COL6A1: variants seen among roughly 807,000 people sequenced by gnomAD.
COL6A1 encodes the protein collagen alpha-1(VI) chain.
A neutral mutation model predicts 145.6 loss-of-function variants in COL6A1; 80 were observed. The ratio of observed to expected loss-of-function variants is 0.55; its 90% CI spans 0.46 to 0.66. The LOEUF is 0.66. COL6A1 is among the 30% of genes least tolerant of loss of function. The pLI, the probability that COL6A1 is intolerant of heterozygous loss-of-function variation, is 0.00. For missense variants in COL6A1, 1,364 were observed against 1,473.8 expected (o/e 0.93, Z 1.22); for synonymous variants, 638 against 622.8 (o/e 1.02, Z -0.36).
chr21:45,988,582 A>C (rs1208499764), intron 8 of COL6A1, among the ~76,000 whole-genome samples: 1 of 152,138 alleles, frequency 6.6e-6, no homozygotes, highest in Non-Finnish European at 1.5e-5. Context: ...CCCTGCCCTC[A>C]GCCGCACTCT....
chr21:45,991,681 A>G (rs532239390), intron 15 of COL6A1, among the ~76,000 whole-genome samples: 93 of 152,132 alleles, frequency 6.1e-4, no homozygotes, highest in Non-Finnish European at 1.1e-3. Context: ...TCTCATCTTC[A>G]AGTTCCCAGA....
chr21:45,997,319 G>A, intron 20 of COL6A1, 102 bp from the exon 21 acceptor site: 1 of 1,079,900 alleles, frequency 9.3e-7, no homozygotes, highest in African/African-American at 1.5e-5. Flanking sequence ...CAGAGCCTGG[G>A]GGCCCTGATG....
rs1285017882 is a variant in COL6A1 at position 45,990,935 on chromosome 21, C to T, written c.1057-44C>T. 1.7e-5 allele frequency: 27 copies of T among 1,611,992 alleles called. No homozygotes were observed. In the East Asian group the frequency reaches 2.0e-4, roughly 12 times the overall value. On this transcript the variant is annotated intron_variant, in intron 14 of 34. Transcript: ENST00000361866. ...GGTCTGGGGCTGCTGCCAGAGGCCG[C>T]GGTGGCCTCTGCCGGTGGTGTCATG...
chr21:45,993,730 G>A (rs576342215), intron 19 of COL6A1, among the ~76,000 whole-genome samples: 49 of 152,286 alleles, frequency 3.2e-4, no homozygotes, highest in South Asian at 1.2e-3. Flanking sequence ...AGCAGGGATC[G>A]TGTGACTTAG....
At position 45,997,723 on chromosome 21, in the gene COL6A1, T is replaced by C. The variant is rs553663114; in HGVS notation, c.1485T>C (p.Pro495=). ...GSEGARGAPG[P]AGPPGDPGLM... is the part of the protein sequence containing the mutation. The stretch of plus-strand genomic sequence containing the variant: ...AGGGTGCCAGAGGAGCCCCAGGACC[T>C]GCCGGACCCCCTGGAGACCCGGGGC... The change falls in exon 22 of 35, where the codon CCT becomes CCC. Residue 495 remains proline (P), a synonymous_variant. Coordinates refer to ENST00000361866, the MANE Select transcript of COL6A1 (RefSeq NM_001848.3). 1.3e-6 allele frequency: 2 copies of C among 1,595,632 alleles called. No homozygotes were observed. Among genetic ancestry groups the C allele is most frequent in the East Asian group, 2.3e-5 (1 of 44,064 alleles).
chr21:45,999,335 G>A, intron 26 of COL6A1, 117 bp downstream of exon 26: 1 of 1,075,618 alleles, frequency 9.3e-7, no homozygotes. Context: ...GGAATTTTGG[G>A]GAGCACGTCA....
At chr21:45,990,140 T>C in intron 11 of COL6A1, 118 bp from the exon 12 acceptor site, 1 of 1,246,230 alleles carries the variant, frequency 8.0e-7, no homozygotes, top group Non-Finnish European at 1.2e-6. Flanking sequence ...TTCTCAGCAG[T>C]GATGTTGTCC....
At chr21:45,997,513 C>T (rs2077812277) in intron 21 of COL6A1, 30 bp downstream of exon 21, 1 of 1,526,036 alleles carries the variant, frequency 6.6e-7, no homozygotes, top group Non-Finnish European at 8.8e-7. Flanking sequence ...CACACCCGCC[C>T]ACCCAGGGGG....
Position 45,986,566 on chromosome 21 carries a change from A to T in COL6A1, c.469A>T (p.Thr157Ser), listed in dbSNP as rs748270048. The T allele has an allele frequency of 1.3e-6, 2 of 1,565,138 alleles. No homozygotes were observed. The highest frequency in any genetic ancestry group is 1.7e-6 in the Non-Finnish European group (2 of 1,155,044). The change falls in exon 4 of 35, where the codon ACC becomes TCC. Residue 157 changes from threonine (T) to serine (S), a missense_variant. Physicochemically the swap from Thr to Ser is moderately conservative, Grantham distance 58. Transcript: ENST00000361866. ...GGAGAATAAGTACCTGATTGTGGTG[A>T]CCGACGGGCACCCCCTGGAGGGCTA... Reference protein sequence around the residue: ...LKENKYLIVVTDGHPLEGYKE... With the variant: ...LKENKYLIVVSDGHPLEGYKE...
rs147683603 is a variant in COL6A1 at position 45,998,047 on chromosome 21, C to A, written c.1525-74C>A. On this transcript the variant is annotated intron_variant, in intron 22 of 34. Transcript: ENST00000361866. ...GGAGGGGCCCTGCGGGTGAGGTGCT[C>A]CCGGGCCTGTGCCAGCCAGTGGGTA... 1,077 of 1,565,924 alleles carry A rather than the reference C, an allele frequency of 6.9e-4. 6 individuals carry two copies. In the African/African-American group the frequency reaches 0.012, roughly 18 times the overall value.
chr21:45,988,231 C>T (rs559045258), intron 8 of COL6A1, among the ~76,000 whole-genome samples: 6 of 22,934 alleles, frequency 2.6e-4, no homozygotes, highest in African/African-American at 7.2e-4. Context: ...ATGGAGGGGA[C>T]GGCGGGGTCC....
intron 29 of COL6A1, 66 bp from the exon 30 acceptor site, chr21:46,001,187 T>C: frequency 6.4e-7 from 1 of 1,573,608 alleles, no homozygotes; most frequent in Non-Finnish European, 8.6e-7. Context: ...GCCAGGGCGG[T>C]GGAGGGGAGG....
intron 11 of COL6A1, 104 bp downstream of exon 11, chr21:45,989,882 C>A: frequency 6.9e-7 from 1 of 1,452,130 alleles, no homozygotes; most frequent in South Asian, 1.1e-5. Flanking sequence ...CAGGAGACCA[C>A]GTGTCCTGCA....
Position 45,982,484 on chromosome 21 carries a change from G to A in COL6A1, c.98-150G>A. 3.6e-6 allele frequency: 4 copies of A among 1,100,720 alleles called. No homozygotes were observed. In the South Asian group the frequency reaches 4.0e-5, roughly 11 times the overall value. The allele number at this position is 1,100,720 out of a possible 1,614,324, so 68.2% of individuals were successfully genotyped here. ...CCACCCCCTCCCCACCGTCCCCACCGAGGGACGTCCTGCTGCCTTTTCCCG... is the reference window on the plus strand; with the variant it reads ...CCACCCCCTCCCCACCGTCCCCACCAAGGGACGTCCTGCTGCCTTTTCCCG... On this transcript the variant is annotated intron_variant, in intron 1 of 34. Coordinates refer to ENST00000361866, the MANE Select transcript of COL6A1 (RefSeq NM_001848.3).
intron 3 of COL6A1, 119 bp from the exon 4 acceptor site, chr21:45,986,407 C>T (rs1385999950): frequency 2.1e-6 from 2 of 954,302 alleles, no homozygotes; most frequent in African/African-American, 1.6e-5. Flanking sequence ...TAGCCAGGAT[C>T]AGCAAAGAGA....
At chr21:45,984,622 A>C (rs1206774472) in intron 3 of COL6A1, among the ~76,000 whole-genome samples, 153 bp downstream of exon 3, 2 of 152,228 alleles carry the variant, frequency 1.3e-5, no homozygotes, top group African/African-American at 4.8e-5. Flanking sequence ...TGTGGGCAGG[A>C]AAGAGACGGA....
chr21:45,986,512 C>T lies in COL6A1; in HGVS notation c.429-14C>T, dbSNP rs1402828273. On this transcript the variant is annotated splice_polypyrimidine_tract_variant and intron_variant, in intron 3 of 34. Transcript: ENST00000361866. ...ACCTAGTCTCGAGGTCTCACGCTGC[C>T]CTCTCCTGTCCAGGGGCTCCCACCT... The T allele has an allele frequency of 1.0e-5, 16 of 1,554,218 alleles. No homozygotes were observed. The highest frequency in any genetic ancestry group is 1.4e-5 in the Non-Finnish European group (16 of 1,148,992).
intron 20 of COL6A1, among the ~76,000 whole-genome samples, chr21:45,995,278 C>T (rs778441127): frequency 2.0e-5 from 3 of 152,258 alleles, no homozygotes; most frequent in Non-Finnish European, 2.9e-5. Flanking sequence ...AAGTGCACGG[C>T]CTCAGTCTCT....
At chr21:45,985,464 G>T (rs1320182363) in intron 3 of COL6A1, among the ~76,000 whole-genome samples, 1 of 152,210 alleles carries the variant, frequency 6.6e-6, no homozygotes, top group Non-Finnish European at 1.5e-5. Context: ...GAGAGACGGG[G>T]TGGTTTTCCC....
Sources: gnomAD v4.1 joint callset for allele counts (sites outside exome capture counted in the v4.1 genomes callset) on GRCh38, gnomAD v4.1.1 for gene constraint, MANE v1.5 for transcripts, NCBI Gene and HGNC (gene_info 2026-07-23, HGNC 2026-07-21) for gene names.